Variants in COL11A1 observed in about 807,000 individuals in gnomAD.
COL11A1 encodes the protein collagen type XI alpha 1 chain, also known as collagen alpha-1(XI) chain.
COL11A1 carries 74 observed loss-of-function variants against 265.2 expected under a neutral mutation model. That is an observed-to-expected ratio of 0.28 (90% CI 0.23 to 0.34). The LOEUF is 0.34. Among genes scored for constraint, COL11A1 ranks in the 10% least tolerant of loss-of-function variants. The pLI, the probability that COL11A1 is intolerant of heterozygous loss-of-function variation, is 1.00. For synonymous variants in COL11A1, 816 were observed against 727.6 expected (o/e 1.12, Z -1.96); for missense variants, 2,165 against 2,263.6 (o/e 0.96, Z 0.88).
intron 4 of COL11A1, among the ~76,000 whole-genome samples, chr1:103,055,161 T>A (rs1670143299): frequency 6.6e-6 from 1 of 152,214 alleles, no homozygotes; most frequent in African/African-American, 2.4e-5. Flanking sequence ...AACTACCATG[T>A]GTGTGATTTT....
chr1:103,043,476 G>A (rs560890258), intron 4 of COL11A1, among the ~76,000 whole-genome samples: 6 of 151,928 alleles, frequency 3.9e-5, no homozygotes, highest in Non-Finnish European at 8.8e-5. Flanking sequence ...CAGTTTTGTT[G>A]TCAGAGATTT....
At chr1:102,917,078 C>G (rs765810831) in intron 49 of COL11A1, among the ~76,000 whole-genome samples, 1 of 151,054 alleles carries the variant, frequency 6.6e-6, no homozygotes, top group Non-Finnish European at 1.5e-5. Flanking sequence ...CACAGGAAAC[C>G]AAAAAAAGAG....
chr1:102,888,662 A>G, intron 61 of COL11A1, 32 bp from the exon 62 acceptor site: 10 of 1,613,706 alleles, frequency 6.2e-6, no homozygotes, highest in Non-Finnish European at 8.5e-6. Context: ...ACATAAATAA[A>G]GAAGAGGCAA....
intron 4 of COL11A1, among the ~76,000 whole-genome samples, chr1:103,035,508 G>T (rs1284287478): frequency 1.3e-5 from 2 of 151,940 alleles, no homozygotes; most frequent in Non-Finnish European, 1.5e-5. Flanking sequence ...TATCTCCACT[G>T]ATATCTCAGA....
intron 1 of COL11A1, among the ~76,000 whole-genome samples, chr1:103,098,772 T>C (rs549807129): frequency 1.3e-5 from 2 of 151,962 alleles, no homozygotes; most frequent in South Asian, 4.1e-4. Flanking sequence ...TCTTCAATGC[T>C]TGAAGAAAGT....
At chr1:103,094,246 A>G (rs1280670479) in intron 1 of COL11A1, among the ~76,000 whole-genome samples, 2 of 152,130 alleles carry the variant, frequency 1.3e-5, no homozygotes, top group Non-Finnish European at 2.9e-5. Context: ...ATGAGGATGA[A>G]TGCTTCCAAA....
intron 4 of COL11A1, among the ~76,000 whole-genome samples, chr1:103,038,974 G>T (rs1668599288): frequency 6.6e-6 from 1 of 152,090 alleles, no homozygotes; most frequent in South Asian, 2.1e-4. Context: ...GAGCAATTCT[G>T]CAGTTTCTCA....
In COL11A1 at chr1:103,005,884, C is replaced by T; in HGVS notation, c.1799G>A (p.Arg600Gln). Reference protein sequence around the residue: ...MPGEPGAKGDRGFDGLPGLPG... With the variant: ...MPGEPGAKGDQGFDGLPGLPG... ...CAGACCCGGAAGTCCATCAAACCCTCGATCTCCCTGTAAAACCATCATCAT... is the reference window on the plus strand; with the variant it reads ...CAGACCCGGAAGTCCATCAAACCCTTGATCTCCCTGTAAAACCATCATCAT... Residue 600 changes from arginine (R) to glutamine (Q), a missense_variant, in exon 18 of 67, where the codon CGA (arginine) becomes CAA (glutamine). By Grantham distance (43) the Arg-to-Gln change is conservative (BLOSUM62 1). Coordinates refer to ENST00000370096, the MANE Select transcript of COL11A1 (RefSeq NM_001854.4). 1.9e-6 allele frequency: 3 copies of T among 1,601,592 alleles called. No homozygotes were observed. Among genetic ancestry groups the T allele is most frequent in the Non-Finnish European group, 1.7e-6 (2 of 1,176,670 alleles).
In COL11A1 at chr1:103,001,916, G is replaced by GT. The variant is rs1665144610; in HGVS notation, c.2142+8dup. The GT allele has an allele frequency of 6.2e-7, 1 of 1,612,770 alleles. No individual in the cohort carries two copies. Among genetic ancestry groups the GT allele is most frequent in the African/African-American group, 1.3e-5 (1 of 74,884 alleles). ...CACCAGGCTTTACGAGAACAACAGA[G>GT]TAACTTACTTTTTCACCAGGAGGAC... On this transcript the variant is annotated intron_variant, in intron 24 of 66. Coordinates refer to ENST00000370096, the MANE Select transcript of COL11A1 (RefSeq NM_001854.4).
intron 49 of COL11A1, among the ~76,000 whole-genome samples, chr1:102,919,848 A>T (rs751448592): frequency 2.4e-4 from 37 of 152,064 alleles, no homozygotes; most frequent in Non-Finnish European, 3.4e-4. Flanking sequence ...ATATAACAAA[A>T]TGAATGATTC....
intron 41 of COL11A1, among the ~76,000 whole-genome samples, chr1:102,961,229 A>G (rs1003747201): frequency 2.0e-5 from 3 of 152,144 alleles, no homozygotes; most frequent in African/African-American, 4.8e-5. Context: ...CATACATTCA[A>G]TTGTTTTCTG....
intron 63 of COL11A1, among the ~76,000 whole-genome samples, chr1:102,884,923 C>T (rs1650770317): frequency 6.6e-6 from 1 of 152,172 alleles, no homozygotes; most frequent in Admixed American, 6.5e-5. Flanking sequence ...GTTAACATAA[C>T]CTTCACCCAC....
At position 103,008,572 on chromosome 1, in the gene COL11A1, T is replaced by C. The variant is rs188655255; in HGVS notation, c.1630-56A>G. 2.2e-6 allele frequency: 3 copies of C among 1,362,554 alleles called. No homozygotes were observed. In the African/African-American group the frequency reaches 4.3e-5, roughly 19 times the overall value. The allele number at this position is 1,362,554 out of a possible 1,614,324, so 84.4% of individuals were successfully genotyped here. A position where few individuals can be genotyped will look rare whatever the true frequency, so the allele number is the denominator to read the frequency against. On this transcript the variant is annotated intron_variant, in intron 14 of 66. Coordinates refer to ENST00000370096, the MANE Select transcript of COL11A1 (RefSeq NM_001854.4). ...AATTTAGCAATTTCCTAACTACTTT[T>C]ATCCTGCCAATTGCACCTGAAATAA... is the stretch of plus-strand genomic sequence containing the variant.
At chr1:102,887,171 T>A in intron 62 of COL11A1, 115 bp from the exon 63 acceptor site, 1 of 1,293,068 alleles carries the variant, frequency 7.7e-7, no homozygotes, top group Non-Finnish European at 1.1e-6. Context: ...TAGCTTTTCA[T>A]TAGCTACAAA....
intron 1 of COL11A1, among the ~76,000 whole-genome samples, chr1:103,098,919 A>T (rs935018352): frequency 2.6e-5 from 4 of 151,844 alleles, no homozygotes; most frequent in Non-Finnish European, 5.9e-5. Flanking sequence ...GTCTCAGGAA[A>T]TCACAATAAT....
chr1:102,966,172 T>C (rs564315662), intron 37 of COL11A1, among the ~76,000 whole-genome samples: 2 of 152,306 alleles, frequency 1.3e-5, no homozygotes, highest in African/African-American at 2.4e-5. Context: ...TCTGGGCATA[T>C]ATTCTGGTAT....
At chr1:102,973,461 T>C (rs1376930621) in intron 36 of COL11A1, among the ~76,000 whole-genome samples, 1 of 152,180 alleles carries the variant, frequency 6.6e-6, no homozygotes, top group Non-Finnish European at 1.5e-5. Flanking sequence ...CAACAATACA[T>C]ACAAACATAA....
chr1:103,098,021 T>C (rs994380246), intron 1 of COL11A1, among the ~76,000 whole-genome samples: 28 of 151,996 alleles, frequency 1.8e-4, no homozygotes, highest in African/African-American at 6.5e-4. Flanking sequence ...GTTGAGAGTA[T>C]GACATTTTAA....
chr1:103,002,068 A>G, intron 23 of COL11A1, 99 bp from the exon 24 acceptor site: 1 of 991,700 alleles, frequency 1.0e-6, no homozygotes, highest in Non-Finnish European at 1.6e-6. Context: ...ACAGTGAGTT[A>G]TAAGAATCTG....
Sources: gnomAD v4.1 joint callset for allele counts (sites outside exome capture counted in the v4.1 genomes callset) on GRCh38, gnomAD v4.1.1 for gene constraint, MANE v1.5 for transcripts, NCBI Gene and HGNC (gene_info 2026-07-23, HGNC 2026-07-21) for gene names.